HTR7: variants seen among roughly 807,000 people sequenced by gnomAD.
HTR7 encodes the protein 5-hydroxytryptamine receptor 7.
In HTR7, 16 loss-of-function variants were observed where a neutral mutation model predicts 34.0. That is an observed-to-expected ratio of 0.47 (90% CI 0.32 to 0.71). The LOEUF is 0.71. Ranked by LOEUF, HTR7 falls within the 30% of genes least tolerant of loss-of-function variation. HTR7 has a pLI of 0.04. For synonymous variants in HTR7, 265 were observed against 260.2 expected (o/e 1.02, Z -0.18); for missense variants, 504 against 625.5 (o/e 0.81, Z 2.07).
At chr10:90,840,744 A>C (rs536628505) in intron 1 of HTR7, among the ~76,000 whole-genome samples, 14 of 152,246 alleles carry the variant, frequency 9.2e-5, no homozygotes, top group Non-Finnish European at 1.8e-4. Flanking sequence ...ATGCAACAAA[A>C]GACTTCACCT....
chr10:90,795,783 G>T (rs1845528768), intron 1 of HTR7, among the ~76,000 whole-genome samples: 1 of 152,172 alleles, frequency 6.6e-6, no homozygotes. Context: ...ATCAATACAT[G>T]TAAGATTTAC....
At chr10:90,776,233 T>G (rs1845207918) in intron 1 of HTR7, among the ~76,000 whole-genome samples, 1 of 152,236 alleles carries the variant, frequency 6.6e-6, no homozygotes, top group African/African-American at 2.4e-5. Context: ...ATGTCTGTAA[T>G]AGTTGACTAC....
At chr10:90,762,421 T>C (rs1040773324) in intron 1 of HTR7, among the ~76,000 whole-genome samples, 12 of 152,204 alleles carry the variant, frequency 7.9e-5, no homozygotes, top group African/African-American at 1.7e-4. Context: ...CTGTTGTCCA[T>C]ATGTATGTCT....
chr10:90,801,140 A>G (rs1183044619), intron 1 of HTR7, among the ~76,000 whole-genome samples: 2 of 152,158 alleles, frequency 1.3e-5, no homozygotes, highest in East Asian at 3.8e-4. Flanking sequence ...TCCAATGGAG[A>G]GCAGTCTTCA....
At chr10:90,803,639 C>T (rs1379828617) in intron 1 of HTR7, among the ~76,000 whole-genome samples, 2 of 152,180 alleles carry the variant, frequency 1.3e-5, no homozygotes, top group Admixed American at 6.5e-5. Flanking sequence ...AGAGAGTTAA[C>T]AACTGCCTGA....
intron 1 of HTR7, among the ~76,000 whole-genome samples, chr10:90,759,443 C>T (rs923964476): frequency 5.0e-4 from 76 of 151,056 alleles, no homozygotes; most frequent in African/African-American, 1.6e-3. Flanking sequence ...ATCATGAGGT[C>T]AGGAGATCGA....
intron 1 of HTR7, among the ~76,000 whole-genome samples, chr10:90,808,377 G>A (rs1410228631): frequency 6.6e-6 from 1 of 151,680 alleles, no homozygotes; most frequent in Non-Finnish European, 1.5e-5. Context: ...CCGCCTTTCT[G>A]GGGGGCAAGA....
chr10:90,826,580 A>T (rs889494007), intron 1 of HTR7, among the ~76,000 whole-genome samples: 2 of 152,218 alleles, frequency 1.3e-5, no homozygotes, highest in Non-Finnish European at 2.9e-5. Flanking sequence ...AACAACAAAA[A>T]GTTTAAAAGC....
chr10:90,795,920 A>C (rs191229333), intron 1 of HTR7, among the ~76,000 whole-genome samples: 1 of 152,184 alleles, frequency 6.6e-6, no homozygotes, highest in Non-Finnish European at 1.5e-5. Flanking sequence ...GGTTATTATC[A>C]ATAGAAAGGA....
intron 1 of HTR7, among the ~76,000 whole-genome samples, chr10:90,752,499 A>T (rs977235076): frequency 2.0e-5 from 3 of 152,116 alleles, no homozygotes; most frequent in African/African-American, 7.2e-5. Context: ...AATACCATAT[A>T]ACCCCCAATG....
At chr10:90,813,988 T>G (rs1394830438) in intron 1 of HTR7, among the ~76,000 whole-genome samples, 4 of 152,202 alleles carry the variant, frequency 2.6e-5, no homozygotes, top group Non-Finnish European at 5.9e-5. Flanking sequence ...GAAGTCCCAT[T>G]CAGGTGCCCC....
At chr10:90,847,718 C>T (rs1391545182) in intron 1 of HTR7, among the ~76,000 whole-genome samples, 1 of 152,152 alleles carries the variant, frequency 6.6e-6, no homozygotes, top group Non-Finnish European at 1.5e-5. Flanking sequence ...TTCCTGTAAC[C>T]ATGAACAACC....
chr10:90,742,512 A>C lies in HTR7; in HGVS notation c.1410T>G (p.Thr470=), dbSNP rs747968672. ...CATGAATCATGACCTTTTTTTCTAC[A>C]GTAGTCAGCATTTTGTCTAAAAAAA... ...HNWLADKMLT[T]VEKKVMIHD Residue 470 remains threonine, a synonymous_variant, in exon 4 of 4, where the codon ACT becomes ACG. Transcript: ENST00000336152. 6.3e-7 allele frequency: 1 copy of C among 1,595,754 alleles called. No homozygotes were observed. The highest frequency in any genetic ancestry group is 1.3e-5 in the African/African-American group (1 of 74,568).
intron 1 of HTR7, among the ~76,000 whole-genome samples, chr10:90,822,714 C>G (rs1025721740): frequency 3.3e-5 from 5 of 152,200 alleles, no homozygotes; most frequent in African/African-American, 1.2e-4. Flanking sequence ...TAACAGCAGC[C>G]CCTCCCATCA....
chr10:90,796,619 G>A (rs1845543743), intron 1 of HTR7, among the ~76,000 whole-genome samples: 2 of 152,134 alleles, frequency 1.3e-5, no homozygotes, highest in Admixed American at 6.6e-5. Flanking sequence ...GGCTAATGTG[G>A]AAGGATCACT....
At chr10:90,761,975 T>C (rs1019923366) in intron 1 of HTR7, among the ~76,000 whole-genome samples, 1 of 152,204 alleles carries the variant, frequency 6.6e-6, no homozygotes, top group Non-Finnish European at 1.5e-5. Flanking sequence ...CCTTCTTTTG[T>C]AGCTGAAAAA....
Position 90,857,716 on chromosome 10 carries a change from C to G in HTR7, c.-45G>C, listed in dbSNP as rs1373502554. 7.0e-7 allele frequency: 1 copy of G among 1,430,858 alleles called. No homozygotes were observed. Among genetic ancestry groups the G allele is most frequent in the African/African-American group, 1.5e-5 (1 of 66,798 alleles). 88.6% of individuals were successfully genotyped at this position (1,430,858 alleles called of 1,614,324 possible). On this transcript the variant is annotated 5_prime_UTR_variant, in exon 1 of 4. Coordinates refer to ENST00000336152, the MANE Select transcript of HTR7 (RefSeq NM_019859.4). The surrounding 1 kb of genome is among the most constrained non-coding windows in gnomAD (Gnocchi z 6.5). The stretch of plus-strand genomic sequence containing the variant: ...GCCCATGGAGCCGGCGCCCCGGCCA[C>G]GCGCCTCCGGCTGCCGGCCCCGGGG...
Position 90,819,264 on chromosome 10 carries a change from C to T in HTR7, c.539+37869G>A, listed in dbSNP as rs1845942225. Reference sequence around the variant, plus strand: ...TAAATGACCTATATACTTATCTATACCCACTTACCCTGGGTAATTTTATGA... The same window carrying T: ...TAAATGACCTATATACTTATCTATATCCACTTACCCTGGGTAATTTTATGA... On this transcript the variant is annotated intron_variant, in intron 1 of 3. Coordinates refer to ENST00000336152, the MANE Select transcript of HTR7 (RefSeq NM_019859.4). Among the ~76,000 whole-genome samples the T allele has an allele frequency of 2.6e-5, 4 of 152,268 alleles. No individual in the cohort carries two copies. In the South Asian group the frequency reaches 8.3e-4, roughly 32 times the overall value.
chr10:90,743,625 A>G lies in HTR7; in HGVS notation c.1361T>C (p.Leu454Pro), dbSNP rs774014888. ...EKRPPVSVWV[L>P]QSPDHHNWLA... ...CCAATTGTGATGGTCTGGAGATTGTAGCACCCACACAGATACCGGTGGCCT... is the reference window on the plus strand; with the variant it reads ...CCAATTGTGATGGTCTGGAGATTGTGGCACCCACACAGATACCGGTGGCCT... The change falls in exon 3 of 4, where the codon CTA (leucine) becomes CCA (proline). Residue 454 changes from leucine to proline, a missense_variant. By Grantham distance (98) the Leu-to-Pro change is moderately conservative. This residue lies in a region of HTR7 where 154 missense variants were observed against 212.1 expected (regional missense o/e 0.73). Coordinates refer to ENST00000336152, the MANE Select transcript of HTR7 (RefSeq NM_019859.4). 6.2e-7 allele frequency: 1 copy of G among 1,613,984 alleles called. No homozygotes were observed. Among genetic ancestry groups the G allele is most frequent in the Admixed American group, 1.7e-5 (1 of 60,014 alleles).
Sources: allele counts gnomAD v4.1 joint callset (sites outside exome capture counted in the v4.1 genomes callset), GRCh38; gene constraint gnomAD v4.1.1; regional missense constraint gnomAD v4.1.1; non-coding constraint Gnocchi (gnomAD v3.1); transcripts MANE v1.5; gene names NCBI Gene and HGNC (gene_info 2026-07-23, HGNC 2026-07-21).